GSKIP: variants seen among roughly 807,000 people sequenced by gnomAD.
GSKIP encodes the protein GSK3B interacting protein, also known as GSK3B-interacting protein.
In GSKIP, 5 loss-of-function variants were observed where a neutral mutation model predicts 11.9. The observed-to-expected ratio is 0.42, with a 90% CI of 0.22 to 0.89. The LOEUF (loss-of-function observed/expected upper bound fraction) is 0.89, where lower values mean the gene tolerates loss of function less well. Ranked by LOEUF, GSKIP falls within the 40% of genes least tolerant of loss-of-function variation. The probability of loss-of-function intolerance (pLI) is 0.29; values close to 1 mark genes in which losing one functional copy is unlikely to be tolerated. For synonymous variants in GSKIP, 70 were observed against 62.9 expected (o/e 1.11, Z -0.54); for missense variants, 150 against 166.6 (o/e 0.90, Z 0.55).
chr14:96,385,392 C>G, intron 3 of GSKIP, 131 bp from the exon 4 acceptor site: 2 of 634,284 alleles, frequency 3.2e-6, no homozygotes, highest in Non-Finnish European at 5.4e-6. Flanking sequence ...ACCCATGTAT[C>G]TGGTGGTCTA....
At chr14:96,384,438 C>T (rs1032956516) in intron 3 of GSKIP, among the ~76,000 whole-genome samples, 1 of 151,944 alleles carries the variant, frequency 6.6e-6, no homozygotes, top group Non-Finnish European at 1.5e-5. Flanking sequence ...CAAACTTTCA[C>T]CTCCTATGGC....
rs547587253 is a variant in GSKIP, at chr14:96,384,994, TAAC to T, written c.259-525_259-523del. Among the ~76,000 whole-genome samples the T allele has an allele frequency of 3.9e-3, 600 of 152,206 alleles. 2 individuals are homozygous for T. The highest frequency in any genetic ancestry group is 0.013 in the African/African-American group (549 of 41,546). ...ATTATTAATAAACAATTATTAAAAT[TAAC>T]AACTAATTATTAAAACTAAATTATT... On this transcript the variant is annotated intron_variant, in intron 3 of 3. Transcript: ENST00000555181.
chr14:96,375,335 T>G (rs1257730251), intron 1 of GSKIP, among the ~76,000 whole-genome samples: 3 of 152,110 alleles, frequency 2.0e-5, no homozygotes, highest in African/African-American at 7.2e-5. Flanking sequence ...AGTAATCAAA[T>G]GTAAGTGGTC....
Position 96,378,862 on chromosome 14 carries a change from AAATCC to A in GSKIP, c.-102-825_-102-821del, listed in dbSNP as rs1889272198. On this transcript the variant is annotated intron_variant, in intron 1 of 3. Transcript: ENST00000555181. Reference sequence around the variant, plus strand: ...GTTGGCTCCGATAACTGAAAAGTGCAAATCCTGGGAAACCAGCATGGGCTCTGGCC... The same window carrying A: ...GTTGGCTCCGATAACTGAAAAGTGCATGGGAAACCAGCATGGGCTCTGGCC... 2.0e-5 allele frequency: 3 copies of A among 152,242 alleles called. 1 individual carries two copies. The South Asian group carries it at 6.2e-4, about 31-fold the overall frequency. The allele number at this position is 152,242 out of a possible 1,614,324, so 9.4% of individuals were successfully genotyped here.
intron 1 of GSKIP, among the ~76,000 whole-genome samples, chr14:96,374,406 C>T (rs1259135033): frequency 1.3e-5 from 2 of 152,088 alleles, no homozygotes. Flanking sequence ...CTACAGATTC[C>T]AGAATCTCAA....
intron 1 of GSKIP, among the ~76,000 whole-genome samples, chr14:96,365,450 A>G (rs1888852395): frequency 8.8e-6 from 1 of 114,186 alleles, no homozygotes; most frequent in Non-Finnish European, 1.7e-5. Context: ...TGAAGGAAAA[A>G]GTAGAAGCTG....
chr14:96,387,222 A>G lies in GSKIP; in HGVS notation c.*1538A>G, dbSNP rs531033998. ...TTCTGTTTACTCATTTTGAGTTAGTATGAAAAAAAGTGATTGTATGTTTAA... is the reference window on the plus strand; with the variant it reads ...TTCTGTTTACTCATTTTGAGTTAGTGTGAAAAAAAGTGATTGTATGTTTAA... On this transcript the variant is annotated 3_prime_UTR_variant, in exon 4 of 4. Transcript: ENST00000555181. The G allele has an allele frequency of 1.1e-4, 17 of 152,354 alleles. No homozygotes were observed. The highest frequency in any genetic ancestry group is 6.5e-5 in the Admixed American group (1 of 15,302). The allele number at this position is 152,354 out of a possible 1,614,324, so 9.4% of individuals were successfully genotyped here.
chr14:96,371,891 C>T (rs986993704), intron 1 of GSKIP, among the ~76,000 whole-genome samples: 1 of 152,262 alleles, frequency 6.6e-6, no homozygotes, highest in East Asian at 1.9e-4. Context: ...TTTATACTGC[C>T]AGACACGGTG....
chr14:96,377,109 C>T (rs1476677088), intron 1 of GSKIP, among the ~76,000 whole-genome samples: 1 of 152,134 alleles, frequency 6.6e-6, no homozygotes, highest in Admixed American at 6.5e-5. Context: ...TAGACCTGTG[C>T]CATCTGATAC....
chr14:96,373,283 G>T (rs1889105962), intron 1 of GSKIP, among the ~76,000 whole-genome samples: 1 of 147,320 alleles, frequency 6.8e-6, no homozygotes. Flanking sequence ...GGGACTTTCT[G>T]AAGCAGAGGT....
intron 1 of GSKIP, among the ~76,000 whole-genome samples, chr14:96,372,644 A>G (rs1020518270): frequency 2.0e-5 from 3 of 152,348 alleles, no homozygotes; most frequent in African/African-American, 7.2e-5. Flanking sequence ...AGTATAGGTG[A>G]TCCCTGAGAA....
chr14:96,376,806 TA>T (rs901155128), intron 1 of GSKIP, among the ~76,000 whole-genome samples: 21 of 152,010 alleles, frequency 1.4e-4, no homozygotes, highest in Non-Finnish European at 2.9e-4. Context: ...TTCTAGTGCT[TA>T]AAAAAAAGTC....
At chr14:96,377,765 ACTC>A (rs926004144) in intron 1 of GSKIP, among the ~76,000 whole-genome samples, 2 of 151,962 alleles carry the variant, frequency 1.3e-5, no homozygotes, top group African/African-American at 4.8e-5. Context: ...CTCTTTTCAA[ACTC>A]CTTGAGAGAG....
intron 3 of GSKIP, chr14:96,384,552 ATATACCT>A (rs1889436167): frequency 6.6e-6 from 1 of 152,078 alleles, no homozygotes; most frequent in Non-Finnish European, 1.5e-5. Flanking sequence ...GTGAACCATG[ATATACCT>A]TATAATCTTG....
rs1318553452 is a variant in GSKIP, at chr14:96,382,640, A to T, written c.258+135A>T. 2.2e-5 allele frequency: 11 copies of T among 504,646 alleles called. No homozygotes were observed. The East Asian group carries it at 3.7e-4, about 17-fold the overall frequency. The allele number at this position is 504,646 out of a possible 1,614,324, so 31.3% of individuals were successfully genotyped here. A position where few individuals can be genotyped will look rare whatever the true frequency, so the allele number is the denominator to read the frequency against. ...TAGCTTCCAAATTTTTTTAAGAAAAACTTTTAACCTAGAAATTTTTATTAA... is the reference window on the plus strand; with the variant it reads ...TAGCTTCCAAATTTTTTTAAGAAAATCTTTTAACCTAGAAATTTTTATTAA... On this transcript the variant is annotated intron_variant, in intron 3 of 3. Coordinates refer to ENST00000555181, the MANE Select transcript of GSKIP (RefSeq NM_016472.5).
chr14:96,373,229 CAAAAAAA>C (rs57931398), intron 1 of GSKIP, among the ~76,000 whole-genome samples: 2 of 82,808 alleles, frequency 2.4e-5, no homozygotes, highest in Admixed American at 1.6e-4. Flanking sequence ...GACTCTGTCT[CAAAAAAA>C]AAAAAAAAAA....
At chr14:96,365,169 A>G (rs770370275) in intron 1 of GSKIP, 1 of 151,970 alleles carries the variant, frequency 6.6e-6, no homozygotes, top group Non-Finnish European at 1.5e-5. Flanking sequence ...AGTGAATAAT[A>G]TGCTTTGTGG....
At chr14:96,375,771 A>G (rs1889183529) in intron 1 of GSKIP, among the ~76,000 whole-genome samples, 1 of 152,194 alleles carries the variant, frequency 6.6e-6, no homozygotes, top group Non-Finnish European at 1.5e-5. Flanking sequence ...TGAGAAGTCC[A>G]AGGTAGAGGG....
In GSKIP at chr14:96,382,448, T is replaced by C; in HGVS notation, c.201T>C (p.Asn67=). Reference sequence around the variant, plus strand: ...GTGCGGATGATGTGGCCTATATCAATGTGGAAACAAAGGAAAGAAACAGAT... The same window carrying C: ...GTGCGGATGATGTGGCCTATATCAACGTGGAAACAAAGGAAAGAAACAGAT... ...LRCADDVAYI[N]VETKERNRYC... Residue 67 remains asparagine (N), a synonymous_variant, in exon 3 of 4, where the codon AAT becomes AAC. Coordinates refer to ENST00000555181, the MANE Select transcript of GSKIP (RefSeq NM_016472.5). 6.2e-7 allele frequency: 1 copy of C among 1,612,982 alleles called. No homozygotes were observed. The highest frequency in any genetic ancestry group is 8.5e-7 in the Non-Finnish European group (1 of 1,179,060).
Sources: gnomAD v4.1 joint callset for allele counts (sites outside exome capture counted in the v4.1 genomes callset) on GRCh38, gnomAD v4.1.1 for gene constraint, MANE v1.5 for transcripts, NCBI Gene and HGNC (gene_info 2026-07-23, HGNC 2026-07-21) for gene names.